SH3RF3: variants seen among roughly 807,000 people sequenced by gnomAD.
SH3RF3 encodes SH3 domain containing ring finger 3, also known as E3 ubiquitin-protein ligase SH3RF3.
A neutral mutation model predicts 66.3 loss-of-function variants in SH3RF3; 29 were observed. The observed-to-expected ratio is 0.44, with a 90% confidence interval of 0.33 to 0.60. SH3RF3 has a LOEUF of 0.60. Ranked by LOEUF, SH3RF3 falls within the 20% of genes least tolerant of loss-of-function variation. The pLI is 0.04. For synonymous variants in SH3RF3, 583 were observed against 532.0 expected, an observed-to-expected ratio of 1.10 and a Z score of -1.32; for missense variants, 1,194 against 1,190.9, an observed-to-expected ratio of 1.00 and a Z score of -0.04.
intron 1 of SH3RF3, among the ~76,000 whole-genome samples, chr2:109,230,994 A>G (rs1427649231): frequency 6.6e-6 from 1 of 152,234 alleles, no homozygotes. Flanking sequence ...AGACAAAAGT[A>G]CACTTTGTTA....
In SH3RF3 at chr2:109,347,803, G is replaced by A. The variant is rs750908427; in HGVS notation, c.703G>A (p.Glu235Lys). 21 of 1,613,834 alleles carry A rather than the reference G, an allele frequency of 1.3e-5. No individual in the cohort carries two copies. The highest frequency in any genetic ancestry group is 2.2e-5 in the East Asian group (1 of 44,878). The change falls in exon 2 of 10, where the codon GAG becomes AAG. Residue 235 changes from glutamate to lysine, a missense_variant. Transcript: ENST00000309415. ...RKVDEQWYHG[E>K]LHGTQGFLPA... Reference sequence around the variant, plus strand: ...GGTGGATGAACAGTGGTACCACGGCGAGCTGCACGGCACACAGGGCTTCCT... The same window carrying A: ...GGTGGATGAACAGTGGTACCACGGCAAGCTGCACGGCACACAGGGCTTCCT...
rs1044406759 is a variant in SH3RF3, at chr2:109,296,259, C to T, written c.574-51415C>T. ...TATTATTATTCGAGATGGAGTTTCA[C>T]TCTTATTGCCCAGGCTGGAGTGCAA... On this transcript the variant is annotated intron_variant, in intron 1 of 9. Transcript: ENST00000309415. Among the ~76,000 whole-genome samples, 18 of 151,904 alleles carry T rather than the reference C, an allele frequency of 1.2e-4. No individual in the cohort carries two copies. The East Asian group carries it at 2.9e-3, about 25-fold the overall frequency.
intron 8 of SH3RF3, among the ~76,000 whole-genome samples, chr2:109,479,509 G>T (rs898757079): frequency 6.6e-6 from 1 of 152,090 alleles, no homozygotes; most frequent in Non-Finnish European, 1.5e-5. Flanking sequence ...AAGTTCCACC[G>T]TATCTGTTCT....
At chr2:109,253,395 C>T (rs1296502654) in intron 1 of SH3RF3, among the ~76,000 whole-genome samples, 2 of 152,118 alleles carry the variant, frequency 1.3e-5, no homozygotes, top group Non-Finnish European at 2.9e-5. Context: ...AGAAGAGGCC[C>T]CAGGATAGGC....
chr2:109,403,691 G>C (rs1328522851), intron 4 of SH3RF3, among the ~76,000 whole-genome samples: 1 of 152,230 alleles, frequency 6.6e-6, no homozygotes. Flanking sequence ...TGGAGGTGCA[G>C]GCTCCCTCTC....
chr2:109,192,458 T>G (rs931315922), intron 1 of SH3RF3, among the ~76,000 whole-genome samples: 1 of 152,238 alleles, frequency 6.6e-6, no homozygotes, highest in Non-Finnish European at 1.5e-5. Context: ...CTTTTATTAT[T>G]AGAAATTTAA....
intron 2 of SH3RF3, among the ~76,000 whole-genome samples, chr2:109,353,939 G>C (rs1461655899): frequency 6.6e-6 from 1 of 152,128 alleles, no homozygotes; most frequent in African/African-American, 2.4e-5. Context: ...TGAACACGAT[G>C]GGAACACCAG....
chr2:109,205,206 C>T (rs1233120132), intron 1 of SH3RF3, among the ~76,000 whole-genome samples: 1 of 150,574 alleles, frequency 6.6e-6, no homozygotes. Context: ...AACTCCGTCT[C>T]TAAAAATAAA....
chr2:109,164,017 A>G (rs1252350079), intron 1 of SH3RF3, among the ~76,000 whole-genome samples: 2 of 152,188 alleles, frequency 1.3e-5, no homozygotes, highest in African/African-American at 4.8e-5. Flanking sequence ...TTTGTTTGTT[A>G]CAATGAGATT....
In SH3RF3 at chr2:109,158,001, G is replaced by A. The variant is rs796986774; in HGVS notation, c.573+27888G>A. ...CTAGTAAGTAACCCTCCTTGAGCCC[G>A]TGGTATGTTCTAGTTCTGGGCTGCG... is the stretch of plus-strand genomic sequence containing the variant. On this transcript the variant is annotated intron_variant, in intron 1 of 9. Transcript: ENST00000309415. Among the ~76,000 whole-genome samples the A allele has an allele frequency of 1.1e-4, 16 of 152,292 alleles. 1 individual carries two copies. Among genetic ancestry groups the A allele is most frequent in the Admixed American group, 9.1e-4 (14 of 15,304 alleles).
intron 1 of SH3RF3, among the ~76,000 whole-genome samples, chr2:109,325,331 C>CTTTTTTTTTT (rs11298946): frequency 9.1e-5 from 6 of 66,254 alleles, no homozygotes; most frequent in Non-Finnish European, 1.3e-4. Context: ...TTCTTTCTTT[C>CTTTTTTTTTT]TTTTTTTTTT....
intron 1 of SH3RF3, among the ~76,000 whole-genome samples, chr2:109,221,504 C>T (rs181834690): frequency 1.7e-4 from 25 of 151,506 alleles, no homozygotes; most frequent in African/African-American, 5.6e-4. Context: ...ATTGCTTGAA[C>T]CTGGGAGGCA....
chr2:109,326,077 A>G (rs1682147975), intron 1 of SH3RF3, among the ~76,000 whole-genome samples: 1 of 152,256 alleles, frequency 6.6e-6, no homozygotes, highest in South Asian at 2.1e-4. Context: ...GGCGTATGCC[A>G]CATTTTCTCC....
rs1677390650 is a variant in SH3RF3, at chr2:109,436,083, A to G, written c.1575-810A>G. Among the ~76,000 whole-genome samples, 6 of 152,166 alleles carry G rather than the reference A, an allele frequency of 3.9e-5. No homozygotes were observed. The South Asian group carries it at 1.2e-3, about 32-fold the overall frequency. On this transcript the variant is annotated intron_variant, in intron 6 of 9. Coordinates refer to ENST00000309415, the MANE Select transcript of SH3RF3 (RefSeq NM_001099289.3). ...CTGGACCAGGCACAGGAGACGGGGC[A>G]GGCAGCCTGTTCTCCCACCTGTGGC...
chr2:109,323,690 A>G (rs535922032), intron 1 of SH3RF3, among the ~76,000 whole-genome samples: 3 of 152,298 alleles, frequency 2.0e-5, no homozygotes, highest in Admixed American at 2.0e-4. Context: ...CCTCGAGGAG[A>G]TAAGGTGAAG....
intron 3 of SH3RF3, among the ~76,000 whole-genome samples, chr2:109,398,383 G>A (rs1278826635): frequency 6.6e-6 from 1 of 152,092 alleles, no homozygotes; most frequent in Non-Finnish European, 1.5e-5. Context: ...TCTCCATCAT[G>A]GCTCCTGGGG....
At chr2:109,134,297 G>T (rs1174110186) in intron 1 of SH3RF3, among the ~76,000 whole-genome samples, 1 of 152,134 alleles carries the variant, frequency 6.6e-6, no homozygotes. Context: ...ATGTTGTCGT[G>T]GTTCGGTCTT....
chr2:109,461,795 C>A (rs542950110), intron 8 of SH3RF3, among the ~76,000 whole-genome samples: 2 of 152,372 alleles, frequency 1.3e-5, no homozygotes, highest in South Asian at 2.1e-4. Context: ...TTCACAGCAG[C>A]CTGGACCTGT....
At chr2:109,314,259 G>T (rs1681816897) in intron 1 of SH3RF3, among the ~76,000 whole-genome samples, 3 of 152,162 alleles carry the variant, frequency 2.0e-5, no homozygotes, top group African/African-American at 7.2e-5. Context: ...AGAAAGCAGG[G>T]GCTTGGCATA....
Sources: allele counts gnomAD v4.1 joint callset (sites outside exome capture counted in the v4.1 genomes callset), GRCh38; gene constraint gnomAD v4.1.1; transcripts MANE v1.5; gene names NCBI Gene and HGNC (gene_info 2026-07-23, HGNC 2026-07-21).